The following PSMD1 variants were observed in gnomAD, a reference collection of about 807,000 sequenced individuals.
PSMD1 encodes 26S proteasome non-ATPase regulatory subunit 1.
A neutral mutation model predicts 119.0 loss-of-function variants in PSMD1; 18 were observed. The observed-to-expected ratio is 0.15, with a 90% confidence interval of 0.10 to 0.22. The LOEUF is 0.22. Among genes scored for constraint, PSMD1 ranks in the 10% least tolerant of loss-of-function variants. The pLI, the probability that PSMD1 is intolerant of heterozygous loss-of-function variation, is 1.00. For missense variants in PSMD1, 702 were observed against 1,158.5 expected, an observed-to-expected ratio of 0.61 and a Z score of 5.72; for synonymous variants, 374 against 396.6, an observed-to-expected ratio of 0.94 and a Z score of 0.68.
intron 18 of PSMD1, among the ~76,000 whole-genome samples, chr2:231,151,188 G>A (rs1696370482): frequency 6.6e-6 from 1 of 151,688 alleles, no homozygotes; most frequent in Non-Finnish European, 1.5e-5. Context: ...TTTGGTGGGG[G>A]GAGACCATAC....
intron 16 of PSMD1, among the ~76,000 whole-genome samples, chr2:231,089,179 G>T (rs959834434): frequency 1.2e-4 from 18 of 152,356 alleles, no homozygotes; most frequent in African/African-American, 4.3e-4. Context: ...GGGGAAAGAA[G>T]CTGTCTCCAT....
chr2:231,078,217 G>T (rs1258398628), intron 9 of PSMD1, among the ~76,000 whole-genome samples: 1 of 152,008 alleles, frequency 6.6e-6, no homozygotes. Flanking sequence ...GCAGTGAGCC[G>T]AGATCGTACC....
intron 16 of PSMD1, among the ~76,000 whole-genome samples, chr2:231,103,525 G>C (rs546589938): frequency 2.0e-5 from 3 of 152,310 alleles, no homozygotes; most frequent in East Asian, 3.9e-4. Flanking sequence ...TTTGTCAAAA[G>C]ATCTGCCACA....
At chr2:231,115,615 T>C (rs2125218177) in intron 16 of PSMD1, among the ~76,000 whole-genome samples, 1 of 152,134 alleles carries the variant, frequency 6.6e-6, no homozygotes, top group East Asian at 1.9e-4. Flanking sequence ...GGGATAGAGG[T>C]GGTAAATTTT....
At chr2:231,158,288 C>T (rs377171938) in intron 19 of PSMD1, among the ~76,000 whole-genome samples, 9 of 151,690 alleles carry the variant, frequency 5.9e-5, no homozygotes, top group East Asian at 1.9e-4. Context: ...GCAGCCTGGA[C>T]GACAGAATGA....
At chr2:231,139,581 A>C (rs1696057867) in intron 17 of PSMD1, among the ~76,000 whole-genome samples, 1 of 148,512 alleles carries the variant, frequency 6.7e-6, no homozygotes, top group South Asian at 2.1e-4. Flanking sequence ...AAAAAGAAGA[A>C]GAAGAAGAAG....
rs1696886667 is a variant in PSMD1, at chr2:231,170,384, G to C, written c.2716-182G>C. 3 of 539,840 alleles carry C rather than the reference G, an allele frequency of 5.6e-6. No homozygotes were observed. The East Asian group carries it at 9.8e-5, about 18-fold the overall frequency. The allele number at this position is 539,840 out of a possible 1,614,324, so 33.4% of individuals were successfully genotyped here. ...ATGTTATACCATCTAGAGCTACTGG[G>C]TTAAGTTTGCAAATACTTCGTATAG... On this transcript the variant is annotated intron_variant, in intron 23 of 24. Transcript: ENST00000308696. The surrounding 1 kb of genome is among the most constrained non-coding windows in gnomAD (Gnocchi z 4.1).
At chr2:231,078,182 C>T (rs1052607393) in intron 9 of PSMD1, among the ~76,000 whole-genome samples, 7 of 152,138 alleles carry the variant, frequency 4.6e-5, no homozygotes, top group African/African-American at 1.7e-4. Context: ...GCAGGAGAAT[C>T]GCTTGAACCC....
chr2:231,108,466 C>T (rs1045187874), intron 16 of PSMD1: 13 of 1,327,400 alleles, frequency 9.8e-6, no homozygotes, highest in Non-Finnish European at 1.3e-5. Context: ...ACATTTACAT[C>T]TCATTCATCA....
chr2:231,089,564 C>G (rs1023132369), intron 16 of PSMD1, among the ~76,000 whole-genome samples: 2 of 151,628 alleles, frequency 1.3e-5, no homozygotes, highest in African/African-American at 4.9e-5. Flanking sequence ...ATGTATTAGT[C>G]AGGGTTCCCT....
At position 231,061,287 on chromosome 2, in the gene PSMD1, G is replaced by C; in HGVS notation, c.37G>C (p.Asp13His). 2 of 1,596,702 alleles carry C rather than the reference G, an allele frequency of 1.3e-6. No individual in the cohort carries two copies. The highest frequency in any genetic ancestry group is 1.7e-6 in the Non-Finnish European group (2 of 1,166,302). ...CATAGCTGGAATTATTTCTCTTCTG[G>C]ATGAAGATGAACCACAGCTTAAGGT... ...TSAAGIISLLDEDEPQLKEFA... is the reference protein window; with the variant it reads ...TSAAGIISLLHEDEPQLKEFA... Residue 13 changes from aspartate (D) to histidine (H), a missense_variant, in exon 2 of 25, where the codon GAT becomes CAT. Coordinates refer to ENST00000308696, the MANE Select transcript of PSMD1 (RefSeq NM_002807.4).
Position 231,094,157 on chromosome 2 carries a change from G to A in PSMD1, c.1883+6976G>A, listed in dbSNP as rs545739476. On this transcript the variant is annotated intron_variant, in intron 16 of 24. Coordinates refer to ENST00000308696, the MANE Select transcript of PSMD1 (RefSeq NM_002807.4). ...TTGGAGGGGCGGTGCCGTCCTCTAGGGTTAACACGTGTTGAAGGAGGGGAG... is the reference window on the plus strand; with the variant it reads ...TTGGAGGGGCGGTGCCGTCCTCTAGAGTTAACACGTGTTGAAGGAGGGGAG... 7.6e-4 allele frequency among the ~76,000 whole-genome samples: 116 copies of A among 152,186 alleles called. 1 individual carries two copies. The highest frequency in any genetic ancestry group is 2.6e-3 in the African/African-American group (107 of 41,526).
chr2:231,168,735 C>T (rs1696844157), intron 23 of PSMD1, among the ~76,000 whole-genome samples: 1 of 152,180 alleles, frequency 6.6e-6, no homozygotes, highest in African/African-American at 2.4e-5. Flanking sequence ...GTATTAATAG[C>T]TGCACAAGTT....
intron 16 of PSMD1, among the ~76,000 whole-genome samples, chr2:231,129,696 T>C (rs1444113835): frequency 6.6e-6 from 1 of 152,238 alleles, no homozygotes; most frequent in Non-Finnish European, 1.5e-5. Flanking sequence ...AAGCTACAAA[T>C]AGCAGTAGCT....
At chr2:231,159,442 C>G (rs1393954480) in intron 19 of PSMD1, among the ~76,000 whole-genome samples, 1 of 152,128 alleles carries the variant, frequency 6.6e-6, no homozygotes, top group East Asian at 1.9e-4. Flanking sequence ...CATGTGTTTT[C>G]CAGTTTGCTT....
intron 6 of PSMD1, 140 bp downstream of exon 6, chr2:231,070,308 A>G: frequency 1.5e-6 from 1 of 664,730 alleles, no homozygotes; most frequent in Non-Finnish European, 2.1e-6. Context: ...AGCCCTGTGA[A>G]AATAAGGTAT....
intron 16 of PSMD1, among the ~76,000 whole-genome samples, chr2:231,102,294 C>T (rs1239182695): frequency 1.3e-5 from 2 of 152,122 alleles, no homozygotes; most frequent in East Asian, 3.8e-4. Context: ...ACCAAACCCA[C>T]AATACCTTGA....
chr2:231,108,595 T>A, intron 16 of PSMD1: 1 of 1,614,014 alleles, frequency 6.2e-7, no homozygotes. Flanking sequence ...GAATGATTGA[T>A]GAAGACTGAA....
At chr2:231,150,228 T>C (rs2125257216) in intron 18 of PSMD1, among the ~76,000 whole-genome samples, 1 of 152,106 alleles carries the variant, frequency 6.6e-6, no homozygotes, top group East Asian at 1.9e-4. Flanking sequence ...GCGCCTGTAG[T>C]TCCAGCTACT....
Sources: gnomAD v4.1 joint callset for allele counts (sites outside exome capture counted in the v4.1 genomes callset) on GRCh38, gnomAD v4.1.1 for gene constraint, Gnocchi (gnomAD v3.1) non-coding constraint, MANE v1.5 for transcripts, NCBI Gene and HGNC (gene_info 2026-07-23, HGNC 2026-07-21) for gene names.